Variants in MTPAP observed in about 807,000 individuals in gnomAD.
MTPAP encodes the protein poly(A) RNA polymerase, mitochondrial.
Under a neutral mutation model 48.7 loss-of-function variants are expected in MTPAP, and 23 were observed. The ratio of observed to expected loss-of-function variants is 0.47; its 90% CI spans 0.34 to 0.67. MTPAP has a LOEUF of 0.67. Ranked by LOEUF, MTPAP falls within the 30% of genes least tolerant of loss-of-function variation. The probability of loss-of-function intolerance (pLI) is 0.01; values close to 1 mark genes in which losing one functional copy is unlikely to be tolerated. For synonymous variants in MTPAP, 257 were observed against 254.1 expected (o/e 1.01, Z -0.11); for missense variants, 614 against 694.3 (o/e 0.88, Z 1.30).
At chr10:30,314,381 A>C (rs73252706) in intron 8 of MTPAP, among the ~76,000 whole-genome samples, 121 of 152,300 alleles carry the variant, frequency 7.9e-4, no homozygotes, top group African/African-American at 2.6e-3. Flanking sequence ...TTTATTTCTG[A>C]GACTTGCTAA....
intron 2 of MTPAP, 21 bp downstream of exon 2, chr10:30,341,447 G>C (rs1255751011): frequency 6.2e-7 from 1 of 1,608,268 alleles, no homozygotes. Context: ...CGTTAAGTTA[G>C]ATTGTTTTTC....
intron 6 of MTPAP, among the ~76,000 whole-genome samples, 172 bp downstream of exon 6, chr10:30,322,219 A>C (rs932169510): frequency 2.6e-5 from 4 of 152,238 alleles, no homozygotes; most frequent in African/African-American, 9.6e-5. Flanking sequence ...AAAATGCTAA[A>C]GGCCCTAGCT....
chr10:30,319,301 T>C (rs1840695594), intron 6 of MTPAP, among the ~76,000 whole-genome samples: 2 of 152,210 alleles, frequency 1.3e-5, no homozygotes, highest in Admixed American at 6.5e-5. Flanking sequence ...TACAAAATCC[T>C]AGAAGTTCTG....
At position 30,340,281 on chromosome 10, in the gene MTPAP, T is replaced by C. The variant is rs762331215; in HGVS notation, c.500A>G (p.Asn167Ser). 9 of 1,614,192 alleles carry C rather than the reference T, an allele frequency of 5.6e-6. No individual in the cohort carries two copies. The Admixed American group carries it at 1.5e-4, about 27-fold the overall frequency. The change falls in exon 3 of 9, where the codon AAT becomes AGT. Residue 167 changes from asparagine (N) to serine (S), a missense_variant. Transcript: ENST00000263063. ...CTGCTTGTTTGAACGTGGCAACTGA[T>C]TACTTGACCGTACGCGTGACCGTTC... Reference protein sequence around the residue: ...TSERSRVRSSNQLPRSNKQLF... With the variant: ...TSERSRVRSSSQLPRSNKQLF...
At chr10:30,316,069 A>G in intron 7 of MTPAP, 33 bp from the exon 8 acceptor site, 1 of 1,610,208 alleles carries the variant, frequency 6.2e-7, no homozygotes, top group Non-Finnish European at 8.5e-7. Flanking sequence ...CAATCAGAGG[A>G]AAGCCTGTTT....
chr10:30,348,215 A>C (rs1202151669), intron 1 of MTPAP, among the ~76,000 whole-genome samples: 1 of 152,252 alleles, frequency 6.6e-6, no homozygotes. Context: ...ATTTGAATGA[A>C]ATACATAAAG....
At chr10:30,337,740 C>T (rs10826782) in intron 3 of MTPAP, among the ~76,000 whole-genome samples, 61,256 of 152,018 alleles carry the variant, frequency 0.4, 15,330 homozygotes, top group Middle Eastern at 0.56. Context: ...GTTAAAACAA[C>T]CACGTTAGAC....
intron 7 of MTPAP, 28 bp from the exon 8 acceptor site, chr10:30,316,064 AG>A: frequency 6.2e-7 from 1 of 1,610,634 alleles, no homozygotes; most frequent in Non-Finnish European, 8.5e-7. Context: ...AAGGACAATC[AG>A]AGGAAAGCCT....
At chr10:30,326,384 G>C in intron 5 of MTPAP, 40 bp downstream of exon 5, 1 of 1,536,696 alleles carries the variant, frequency 6.5e-7, no homozygotes, top group Non-Finnish European at 9.0e-7. Flanking sequence ...TAATATATCA[G>C]AATATTCATA....
At chr10:30,327,961 C>T (rs1481742104) in intron 4 of MTPAP, among the ~76,000 whole-genome samples, 1 of 151,570 alleles carries the variant, frequency 6.6e-6, no homozygotes, top group African/African-American at 2.4e-5. Context: ...CTTAGAATAG[C>T]GAAAGATTCT....
At chr10:30,341,380 G>C (rs374257057) in intron 2 of MTPAP, 88 bp downstream of exon 2, 1 of 1,510,068 alleles carries the variant, frequency 6.6e-7, no homozygotes, top group South Asian at 1.3e-5. Context: ...CTACCATATT[G>C]CAAAAAGCAA....
At chr10:30,333,070 G>A (rs1482635160) in intron 4 of MTPAP, among the ~76,000 whole-genome samples, 2 of 151,910 alleles carry the variant, frequency 1.3e-5, no homozygotes, top group Admixed American at 6.6e-5. Context: ...GCAGTGAGCC[G>A]AGATGGCACC....
intron 8 of MTPAP, among the ~76,000 whole-genome samples, chr10:30,314,884 C>CAAAAAAAAAAAAAAA (rs34249388): frequency 1.7e-3 from 186 of 110,734 alleles, no homozygotes; most frequent in Middle Eastern, 7.0e-3. Context: ...AAAACAAAAA[C>CAAAAAAAAAAAAAAA]AAAAAAAAAA....
chr10:30,320,473 G>A (rs1840710091), intron 6 of MTPAP, among the ~76,000 whole-genome samples: 1 of 152,164 alleles, frequency 6.6e-6, no homozygotes. Flanking sequence ...AGTGAGCCGA[G>A]ATTGTGCCAC....
At chr10:30,348,949 C>A (rs1289748256) in intron 1 of MTPAP, 170 bp downstream of exon 1, 22 of 917,732 alleles carry the variant, frequency 2.4e-5, no homozygotes, top group Non-Finnish European at 3.4e-5. Context: ...TCAGCAACGG[C>A]GGCGACCCTG....
intron 4 of MTPAP, among the ~76,000 whole-genome samples, 163 bp downstream of exon 4, chr10:30,336,636 CAAAG>C (rs1470058366): frequency 1.3e-5 from 2 of 152,266 alleles, no homozygotes; most frequent in South Asian, 2.1e-4. Flanking sequence ...TAGAACAATA[CAAAG>C]AAAGACTTCA....
At position 30,341,651 on chromosome 10, in the gene MTPAP, G is replaced by A; in HGVS notation, c.158-11C>T. On this transcript the variant is annotated splice_polypyrimidine_tract_variant and intron_variant, in intron 1 of 8. Coordinates refer to ENST00000263063, the MANE Select transcript of MTPAP (RefSeq NM_018109.4). The stretch of plus-strand genomic sequence containing the variant: ...TCTTGTCTTCAAAGCCTATGAACGA[G>A]ACAAAAACATTTCCACCACACGCAC... 1.9e-6 allele frequency: 3 copies of A among 1,613,552 alleles called. No individual in the cohort carries two copies. Among genetic ancestry groups the A allele is most frequent in the Non-Finnish European group, 2.5e-6 (3 of 1,179,952 alleles).
At chr10:30,347,148 T>C (rs1834883256) in intron 1 of MTPAP, among the ~76,000 whole-genome samples, 1 of 152,224 alleles carries the variant, frequency 6.6e-6, no homozygotes, top group Non-Finnish European at 1.5e-5. Context: ...GTACTCTTAT[T>C]GTCTTTCTAC....
intron 4 of MTPAP, among the ~76,000 whole-genome samples, chr10:30,328,281 C>G (rs1488775044): frequency 6.6e-6 from 1 of 152,136 alleles, no homozygotes; most frequent in Non-Finnish European, 1.5e-5. Context: ...ATTTTTCAGC[C>G]TGGTAAAGAC....
Sources: allele counts gnomAD v4.1 joint callset (sites outside exome capture counted in the v4.1 genomes callset), GRCh38; gene constraint gnomAD v4.1.1; transcripts MANE v1.5; gene names NCBI Gene and HGNC (gene_info 2026-07-23, HGNC 2026-07-21).